The following SMARCA2 variants were observed in gnomAD, a reference collection of about 807,000 sequenced individuals.
The protein encoded by SMARCA2 is SWI/SNF related BAF chromatin remodeling complex subunit ATPase 2, also known as SWI/SNF-related matrix-associated actin-dependent regulator of chromatin subfamily A member 2.
Under a neutral mutation model 199.8 loss-of-function variants are expected in SMARCA2, and 61 were observed. The observed-to-expected ratio is 0.31, with a 90% CI of 0.25 to 0.38. The LOEUF (loss-of-function observed/expected upper bound fraction) is 0.38. SMARCA2 is among the 10% of genes least tolerant of loss of function. The pLI, the probability that SMARCA2 is intolerant of heterozygous loss-of-function variation, is 1.00. For missense variants in SMARCA2, 1,344 were observed against 2,012.2 expected (o/e 0.67, Z 6.35); for synonymous variants, 935 against 732.0 (o/e 1.28, Z -4.48).
rs372329238 is a variant in SMARCA2, at chr9:2,060,118, C to CAAAAAAAAAAA, written c.1522-676_1522-666dup. Among the ~76,000 whole-genome samples, 109 of 62,398 alleles carry CAAAAAAAAAAA rather than the reference C, an allele frequency of 1.7e-3. 2 individuals carry two copies. Among genetic ancestry groups the CAAAAAAAAAAA allele is most frequent in the African/African-American group, 4.7e-3 (107 of 22,534 alleles). The allele number at this position is 62,398 out of a possible 152,430, so 40.9% of individuals were successfully genotyped here. A position where few individuals can be genotyped will look rare whatever the true frequency, so the allele number is the denominator to read the frequency against. The stretch of plus-strand genomic sequence containing the variant: ...CCATTACTCAGTGCAGATCTGTGGC[C>CAAAAAAAAAAA]AAAAAAAAAAAAAAAAAAAAAAAAA... On this transcript the variant is annotated intron_variant, in intron 8 of 33. Transcript: ENST00000349721.
At position 2,119,356 on chromosome 9, in the gene SMARCA2, C is replaced by T; in HGVS notation, c.3685-102C>T. On this transcript the variant is annotated intron_variant, in intron 25 of 33. Coordinates refer to ENST00000349721, the MANE Select transcript of SMARCA2 (RefSeq NM_003070.5). The surrounding 1 kb of genome is among the most constrained non-coding windows in gnomAD (Gnocchi z 4.6). ...GCAACCCCTTCCCTTTTCTTTCTGC[C>T]TTGAGAAATGGGACCCCTCTGGTCT... 1.4e-6 allele frequency: 1 copy of T among 736,090 alleles called. No homozygotes were observed. Among genetic ancestry groups the T allele is most frequent in the Non-Finnish European group, 2.4e-6 (1 of 416,570 alleles). The allele number at this position is 736,090 out of a possible 1,614,324, so 45.6% of individuals were successfully genotyped here.
intron 5 of SMARCA2, among the ~76,000 whole-genome samples, chr9:2,052,477 A>G (rs541563900): frequency 1.1e-4 from 16 of 152,356 alleles, no homozygotes; most frequent in African/African-American, 3.8e-4. Flanking sequence ...CTCCATCTCA[A>G]ACAAACAAAG....
chr9:2,082,137 A>T lies in SMARCA2; in HGVS notation c.2348+142A>T, dbSNP rs1821591323. 3 of 729,674 alleles carry T rather than the reference A, an allele frequency of 4.1e-6. No homozygotes were observed. The Admixed American group carries it at 7.8e-5, about 19-fold the overall frequency. 45.2% of individuals were successfully genotyped at this position (729,674 alleles called of 1,614,324 possible). A position where few individuals can be genotyped will look rare whatever the true frequency, so the allele number is the denominator to read the frequency against. ...AGATTACCAAGAGCATGTAATCTGG[A>T]TTTAGGTTTTAATTTCCCACCCCTC... On this transcript the variant is annotated intron_variant, in intron 15 of 33. Transcript: ENST00000349721.
chr9:2,065,640 A>G (rs189697577), intron 9 of SMARCA2, among the ~76,000 whole-genome samples: 89 of 152,378 alleles, frequency 5.8e-4, no homozygotes, highest in African/African-American at 2.0e-3. Flanking sequence ...AGAGCTTGAA[A>G]AGCAAAGCAG....
chr9:2,170,426 G>A lies in SMARCA2; in HGVS notation c.4207G>A (p.Val1403Met), dbSNP rs143797398. The A allele has an allele frequency of 5.2e-4, 836 of 1,614,098 alleles. 6 individuals are homozygous for A. In the South Asian group the frequency reaches 5.3e-3, roughly 10 times the overall value. The change falls in exon 29 of 34, where the codon GTG becomes ATG. Residue 1403 changes from valine to methionine, a missense_variant. By Grantham distance (21) the Val-to-Met change is conservative. Transcript: ENST00000349721. This position sits in a 1 kb window ranked among gnomAD's most constrained non-coding sequence, Gnocchi z 4.7. ...CTTTCTACTCTACCGCAGGTGTAAC[G>A]TGGAGAAGGTGCCCAGTAATTCTCA... ...TVINYKDRCNVEKVPSNSQLE... is the reference protein window; with the variant it reads ...TVINYKDRCNMEKVPSNSQLE...
rs1820341989 is a variant in SMARCA2 at position 2,056,096 on chromosome 9, G to C, written c.1174-576G>C. Among the ~76,000 whole-genome samples, 1 of 152,120 alleles carries C rather than the reference G, an allele frequency of 6.6e-6. No homozygotes were observed. The highest frequency in any genetic ancestry group is 1.5e-5 in the Non-Finnish European group (1 of 68,010). ...GTATTACATTTGTGATCTGAAATAA[G>C]TTCATGATATAATATAAAATGTAGA... On this transcript the variant is annotated intron_variant, in intron 6 of 33. Transcript: ENST00000349721. This position sits in a 1 kb window ranked among gnomAD's most constrained non-coding sequence, Gnocchi z 4.0.
chr9:2,180,255 C>G (rs558277617), intron 29 of SMARCA2, among the ~76,000 whole-genome samples: 1 of 152,216 alleles, frequency 6.6e-6, no homozygotes, highest in South Asian at 2.1e-4. Context: ...AAAACAAAAA[C>G]GATGACCCAG....
intron 25 of SMARCA2, among the ~76,000 whole-genome samples, chr9:2,118,458 ACTCTTT>A (rs1358442890): frequency 4.0e-5 from 6 of 149,702 alleles, no homozygotes; most frequent in East Asian, 1.9e-4. Context: ...GTACACTCAT[ACTCTTT>A]CTCTAAAACA....
At position 2,186,104 on chromosome 9, in the gene SMARCA2, A is replaced by C; in HGVS notation, c.4470A>C (p.Glu1490Asp). ...CCCCTTTGACCATTTAGATCTATGA[A>C]GACTCCATCGTCTTACAGTCAGTGT... ...TFNLEGSQIY[E>D]DSIVLQSVFK... The change falls in exon 32 of 34, where the codon GAA becomes GAC. Residue 1490 changes from glutamate to aspartate, a missense_variant. By Grantham distance (45) the Glu-to-Asp change is conservative. Transcript: ENST00000349721. The C allele has an allele frequency of 6.2e-7, 1 of 1,613,992 alleles. No homozygotes were observed. Among genetic ancestry groups the C allele is most frequent in the Non-Finnish European group, 8.5e-7 (1 of 1,179,894 alleles).
At chr9:2,058,957 G>T (rs1820470139) in intron 8 of SMARCA2, among the ~76,000 whole-genome samples, 1 of 152,180 alleles carries the variant, frequency 6.6e-6, no homozygotes, top group South Asian at 2.1e-4. Context: ...TGTAATAAGT[G>T]ATTTTTAAGT....
At position 2,119,306 on chromosome 9, in the gene SMARCA2, A is replaced by G; in HGVS notation, c.3685-152A>G. ...GAAGATGGTTTTAATAGCTTGTAAA[A>G]TAGTAACGTCAAGGACTAAATCCAG... On this transcript the variant is annotated intron_variant, in intron 25 of 33. Coordinates refer to ENST00000349721, the MANE Select transcript of SMARCA2 (RefSeq NM_003070.5). This position sits in a 1 kb window ranked among gnomAD's most constrained non-coding sequence, Gnocchi z 4.6. 1 of 581,640 alleles carries G rather than the reference A, an allele frequency of 1.7e-6. No individual in the cohort carries two copies. The highest frequency in any genetic ancestry group is 3.1e-6 in the Non-Finnish European group (1 of 326,580). The allele number at this position is 581,640 out of a possible 1,614,324, so 36.0% of individuals were successfully genotyped here. A position where few individuals can be genotyped will look rare whatever the true frequency, so the allele number is the denominator to read the frequency against.
intron 29 of SMARCA2, among the ~76,000 whole-genome samples, chr9:2,175,517 T>C (rs866720241): frequency 2.6e-5 from 4 of 152,222 alleles, no homozygotes; most frequent in South Asian, 2.1e-4. Flanking sequence ...ATGTGATAGT[T>C]AAAAAGTGCC....
intron 1 of SMARCA2, among the ~76,000 whole-genome samples, chr9:2,028,489 A>G (rs1355031401): frequency 1.3e-5 from 2 of 152,136 alleles, no homozygotes; most frequent in South Asian, 2.1e-4. Context: ...TTCATTCTCA[A>G]ATTAGAAGAT....
At chr9:2,135,457 A>C (rs927421820) in intron 27 of SMARCA2, among the ~76,000 whole-genome samples, 4 of 152,218 alleles carry the variant, frequency 2.6e-5, no homozygotes, top group African/African-American at 9.6e-5. Flanking sequence ...CCATCACATC[A>C]GTCACCCAGT....
chr9:2,027,191 C>T (rs1402208320), intron 1 of SMARCA2, among the ~76,000 whole-genome samples: 3 of 152,288 alleles, frequency 2.0e-5, no homozygotes, highest in South Asian at 2.1e-4. Flanking sequence ...CCTGTAATCC[C>T]AGCGGTTTGG....
At chr9:2,050,441 A>G (rs1260961437) in intron 5 of SMARCA2, among the ~76,000 whole-genome samples, 1 of 152,002 alleles carries the variant, frequency 6.6e-6, no homozygotes, top group Non-Finnish European at 1.5e-5. Context: ...GAATCATCAC[A>G]TTGGCATGTA....
intron 10 of SMARCA2, among the ~76,000 whole-genome samples, chr9:2,072,602 A>C (rs77597841): frequency 6.6e-6 from 1 of 152,218 alleles, no homozygotes; most frequent in Admixed American, 6.5e-5. Context: ...TCTGTTTTTC[A>C]TTCTCTCTGA....
At chr9:2,083,979 G>C (rs1055298662) in intron 16 of SMARCA2, 107 bp from the exon 17 acceptor site, 1 of 649,366 alleles carries the variant, frequency 1.5e-6, no homozygotes, top group Admixed American at 2.5e-5. Context: ...ATGTGTGTCT[G>C]TGCATTCTTC....
At chr9:2,150,465 A>C (rs1300150404) in intron 27 of SMARCA2, among the ~76,000 whole-genome samples, 4 of 151,608 alleles carry the variant, frequency 2.6e-5, no homozygotes, top group Non-Finnish European at 5.9e-5. Context: ...CAGCTGCCTG[A>C]TACAGAAGAT....
Sources: allele counts gnomAD v4.1 joint callset (sites outside exome capture counted in the v4.1 genomes callset), GRCh38; gene constraint gnomAD v4.1.1; non-coding constraint Gnocchi (gnomAD v3.1); transcripts MANE v1.5; gene names NCBI Gene and HGNC (gene_info 2026-07-23, HGNC 2026-07-21).